CA1: variants seen among roughly 807,000 people sequenced by gnomAD.
CA1 encodes the protein carbonic anhydrase 1.
Under a neutral mutation model 28.8 loss-of-function variants are expected in CA1, and 27 were observed. The ratio of observed to expected loss-of-function variants is 0.94; its 90% CI spans 0.69 to 1.29. The LOEUF is 1.29. CA1 is among the 50% of genes most tolerant of loss of function. The pLI, the probability that CA1 is intolerant of heterozygous loss-of-function variation, is 0.00. For synonymous variants in CA1, 121 were observed against 108.8 expected, an observed-to-expected ratio of 1.11 and a Z score of -0.70; for missense variants, 335 against 310.5, an observed-to-expected ratio of 1.08 and a Z score of -0.59.
intron 4 of CA1, among the ~76,000 whole-genome samples, chr8:85,335,371 C>A (rs1471331843): frequency 1.3e-5 from 2 of 152,144 alleles, no homozygotes; most frequent in Non-Finnish European, 2.9e-5. Context: ...TGGGTTAACT[C>A]TTTTCATGCT....
At chr8:85,346,251 T>C (rs1316406675) in intron 1 of CA1, among the ~76,000 whole-genome samples, 1 of 152,208 alleles carries the variant, frequency 6.6e-6, no homozygotes, top group Non-Finnish European at 1.5e-5. Context: ...TGAACTTTTA[T>C]GCTAATAATT....
At position 85,329,738 on chromosome 8, in the gene CA1, C is replaced by T. The variant is rs149736810; in HGVS notation, c.620G>A (p.Ser207Asn). ...CTCCTTACAGATGATCCAAGTTACA[C>T]TCTCATAAAGAGGAGGATGAGTCAG... ...GSLTHPPLYESVTWIICKESI... is the reference protein window; with the variant it reads ...GSLTHPPLYENVTWIICKESI... Residue 207 changes from serine (S) to asparagine (N), a missense_variant, in exon 7 of 8, where the codon AGT becomes AAT. Physicochemically the swap from Ser to Asn is conservative, Grantham distance 46. Transcript: ENST00000523022. The T allele has an allele frequency of 3.7e-6, 6 of 1,608,996 alleles. No homozygotes were observed. The South Asian group carries it at 6.7e-5, about 18-fold the overall frequency.
chr8:85,370,695 A>G (rs576504979), intron 1 of CA1, among the ~76,000 whole-genome samples: 2 of 152,304 alleles, frequency 1.3e-5, no homozygotes, highest in Middle Eastern at 6.8e-3. Context: ...TAGTATAAGT[A>G]TGTACAGATA....
At chr8:85,372,624 AGTTTCCCCCT>A in intron 1 of CA1, among the ~76,000 whole-genome samples, 1 of 152,352 alleles carries the variant, frequency 6.6e-6, no homozygotes, top group Admixed American at 6.5e-5. Context: ...TATATACAGT[AGTTTCCCCCT>A]TAACCAAAGC....
chr8:85,339,015 C>G (rs966922519), intron 2 of CA1, among the ~76,000 whole-genome samples: 4 of 151,974 alleles, frequency 2.6e-5, no homozygotes, highest in African/African-American at 9.7e-5. Context: ...TGCACCCGGC[C>G]CCTTTTCTAT....
intron 1 of CA1, among the ~76,000 whole-genome samples, chr8:85,365,099 C>T (rs1415222419): frequency 1.3e-5 from 2 of 152,148 alleles, no homozygotes; most frequent in Non-Finnish European, 2.9e-5. Flanking sequence ...TACAGCTGAG[C>T]TGTATGAAGC....
At chr8:85,354,687 C>T (rs979854230) in intron 1 of CA1, among the ~76,000 whole-genome samples, 9 of 152,010 alleles carry the variant, frequency 5.9e-5, no homozygotes, top group Admixed American at 3.9e-4. Flanking sequence ...GTGGTGGTGG[C>T]GAGGCAGGAG....
chr8:85,362,136 A>G (rs535063609), intron 1 of CA1, among the ~76,000 whole-genome samples: 33 of 152,258 alleles, frequency 2.2e-4, no homozygotes, highest in African/African-American at 6.5e-4. Flanking sequence ...TCCAGTTTCT[A>G]TGTGCCTCCT....
chr8:85,369,814 A>T (rs573730370), intron 1 of CA1, among the ~76,000 whole-genome samples: 90 of 152,312 alleles, frequency 5.9e-4, no homozygotes, highest in Non-Finnish European at 8.8e-4. Flanking sequence ...TACCCATGTT[A>T]GTCTGTTTCT....
At chr8:85,341,331 G>A (rs1257433995) in intron 2 of CA1, 3 of 324,190 alleles carry the variant, frequency 9.3e-6, no homozygotes, top group Non-Finnish European at 1.7e-5. Context: ...TTGCTTTCTT[G>A]TGATATTTGC....
intron 4 of CA1, 83 bp from the exon 5 acceptor site, chr8:85,333,703 G>A (rs1364655550): frequency 1.5e-5 from 13 of 877,032 alleles, no homozygotes; most frequent in Non-Finnish European, 2.4e-5. Flanking sequence ...GTTACCATAT[G>A]ATGATGTATC....
intron 2 of CA1, among the ~76,000 whole-genome samples, chr8:85,340,033 A>G (rs1366936336): frequency 2.0e-5 from 3 of 152,238 alleles, no homozygotes; most frequent in Non-Finnish European, 4.4e-5. Context: ...AGACAGTTAT[A>G]CAGAAGATCT....
chr8:85,377,055 T>G (rs903992555), intron 1 of CA1, among the ~76,000 whole-genome samples: 1 of 152,240 alleles, frequency 6.6e-6, no homozygotes, highest in Non-Finnish European at 1.5e-5. Flanking sequence ...TTGTATTAAC[T>G]TTAGAAATTT....
chr8:85,361,055 C>A (rs1383189038), intron 1 of CA1, among the ~76,000 whole-genome samples: 1 of 152,078 alleles, frequency 6.6e-6, no homozygotes, highest in African/African-American at 2.4e-5. Flanking sequence ...CAAAACTCCC[C>A]AAAACTGAGA....
At chr8:85,359,743 T>C (rs72682933) in intron 1 of CA1, among the ~76,000 whole-genome samples, 2,204 of 152,334 alleles carry the variant, frequency 0.014, 31 homozygotes, top group Non-Finnish European at 0.023. Flanking sequence ...ATATTGTTGA[T>C]AACTTGGTAG....
Position 85,359,474 on chromosome 8 carries a change from C to T in CA1, c.-24-17815G>A, listed in dbSNP as rs143221050. On this transcript the variant is annotated intron_variant, in intron 1 of 7. Coordinates refer to ENST00000523022, the MANE Select transcript of CA1 (RefSeq NM_001128831.4). ...CAAGTAACTCTTAAAAATAGAAAGA[C>T]GTGGAATTGCTAACGAATGAAAAAT... Among the ~76,000 whole-genome samples the T allele has an allele frequency of 2.9e-3, 443 of 152,178 alleles. 3 individuals carry two copies. Among genetic ancestry groups the T allele is most frequent in the African/African-American group, 0.01 (417 of 41,510 alleles).
At chr8:85,350,720 G>A (rs1388931348) in intron 1 of CA1, among the ~76,000 whole-genome samples, 2 of 152,110 alleles carry the variant, frequency 1.3e-5, no homozygotes, top group Non-Finnish European at 2.9e-5. Context: ...AGTCAATAAC[G>A]CTTTTAAAAT....
intron 1 of CA1, chr8:85,343,306 A>G (rs1809003100): frequency 2.0e-5 from 3 of 152,158 alleles, no homozygotes; most frequent in South Asian, 4.1e-4. Context: ...CAGAGTTACA[A>G]AACTTGCAAG....
At chr8:85,360,412 C>T (rs752884383) in intron 1 of CA1, among the ~76,000 whole-genome samples, 8 of 152,212 alleles carry the variant, frequency 5.3e-5, no homozygotes, top group African/African-American at 1.9e-4. Flanking sequence ...CAAGCGTTGG[C>T]TGGGTGTAGT....
Sources: allele counts gnomAD v4.1 joint callset (sites outside exome capture counted in the v4.1 genomes callset), GRCh38; gene constraint gnomAD v4.1.1; transcripts MANE v1.5; gene names NCBI Gene and HGNC (gene_info 2026-07-23, HGNC 2026-07-21).